Variants in CFAP70 observed in about 807,000 individuals in gnomAD.
CFAP70 encodes the protein cilia and flagella associated protein 70.
A neutral mutation model predicts 137.6 loss-of-function variants in CFAP70; 81 were observed. The ratio of observed to expected loss-of-function variants is 0.59; its 90% CI spans 0.49 to 0.71. The LOEUF (loss-of-function observed/expected upper bound fraction) is 0.71, where lower values mean the gene tolerates loss of function less well. Ranked by LOEUF, CFAP70 falls within the 30% of genes least tolerant of loss-of-function variation. CFAP70 has a pLI of 0.00. For synonymous variants in CFAP70, 382 were observed against 423.6 expected (o/e 0.90, Z 1.20); for missense variants, 976 against 1,226.7 (o/e 0.80, Z 3.05).
intron 12 of CFAP70, among the ~76,000 whole-genome samples, chr10:73,303,163 C>T (rs1360042335): frequency 6.6e-6 from 1 of 152,074 alleles, no homozygotes; most frequent in Non-Finnish European, 1.5e-5. Flanking sequence ...TCCCAAAGTG[C>T]TAGGATTACA....
intron 1 of CFAP70, among the ~76,000 whole-genome samples, chr10:73,358,070 T>G (rs1372707119): frequency 6.6e-6 from 1 of 152,240 alleles, no homozygotes; most frequent in Admixed American, 6.5e-5. Flanking sequence ...CTGTTTCACA[T>G]TTATTGTGAA....
intron 9 of CFAP70, among the ~76,000 whole-genome samples, chr10:73,317,769 G>A (rs537460509): frequency 1.1e-4 from 16 of 151,952 alleles, no homozygotes; most frequent in Non-Finnish European, 2.1e-4. Context: ...CCCTCCAGTG[G>A]GTGACAGAGT....
chr10:73,333,195 T>C lies in CFAP70; in HGVS notation c.678-1919A>G, dbSNP rs1056111242. Among the ~76,000 whole-genome samples, 6 of 152,180 alleles carry C rather than the reference T, an allele frequency of 3.9e-5. No individual in the cohort carries two copies. In the South Asian group the frequency reaches 1.0e-3, roughly 26 times the overall value. ...AAAATAAAATCAGTGAATGTGAGTATATGTGAATAGAAATTCCCCAAACTG... is the reference window on the plus strand; with the variant it reads ...AAAATAAAATCAGTGAATGTGAGTACATGTGAATAGAAATTCCCCAAACTG... On this transcript the variant is annotated intron_variant, in intron 7 of 26. Coordinates refer to ENST00000310715, the Ensembl canonical transcript of CFAP70.
At position 73,302,543 on chromosome 10, in the gene CFAP70, T is replaced by C. The variant is rs140103108; in HGVS notation, c.1257-2878A>G. On this transcript the variant is annotated intron_variant, in intron 12 of 26. Coordinates refer to ENST00000310715, the Ensembl canonical transcript of CFAP70. ...TTTGTATTTAGATAGCATTACCAAA[T>C]TGCCCTCCACTGGAATTTTACCCAG... is the stretch of plus-strand genomic sequence containing the variant. Among the ~76,000 whole-genome samples, 101 of 152,270 alleles carry C rather than the reference T, an allele frequency of 6.6e-4. 1 individual carries two copies. Among genetic ancestry groups the C allele is most frequent in the African/African-American group, 2.1e-3 (89 of 41,548 alleles).
At chr10:73,295,369 G>GGA (rs2048467589) in intron 15 of CFAP70, 2 of 124,204 alleles carry the variant, frequency 1.6e-5, no homozygotes, top group Non-Finnish European at 3.2e-5. Flanking sequence ...GGAAGGAAGG[G>GGA]AGGAAGGGAG....
intron 25 of CFAP70, among the ~76,000 whole-genome samples, chr10:73,259,558 G>A (rs2044919026): frequency 6.6e-6 from 1 of 151,966 alleles, no homozygotes; most frequent in African/African-American, 2.4e-5. Context: ...CAACCTTCCA[G>A]GCTCCAGTGA....
chr10:73,359,458 A>G (rs1020766287), upstream of CFAP70, among the ~76,000 whole-genome samples: 3 of 152,180 alleles, frequency 2.0e-5, no homozygotes, highest in Non-Finnish European at 4.4e-5. Context: ...CAGTGTTAAG[A>G]GCCAGCTTGA....
intron 8 of CFAP70, among the ~76,000 whole-genome samples, chr10:73,330,428 C>T (rs28416025): frequency 0.11 from 15,416 of 139,534 alleles, 1,187 homozygotes; most frequent in East Asian, 0.31. Context: ...CCAGCCTAGG[C>T]GACAGAGTAA....
chr10:73,358,320 G>A (rs2054823739), intron 1 of CFAP70, among the ~76,000 whole-genome samples: 1 of 152,234 alleles, frequency 6.6e-6, no homozygotes, highest in African/African-American at 2.4e-5. Context: ...CTAGGGTGGG[G>A]ACTCTTGTTG....
intron 12 of CFAP70, among the ~76,000 whole-genome samples, chr10:73,309,212 G>A (rs1008428202): frequency 6.6e-5 from 10 of 152,204 alleles, no homozygotes; most frequent in African/African-American, 2.4e-4. Flanking sequence ...ATAAAAAGGA[G>A]TATTAGAATA....
At chr10:73,273,139 A>T (rs768864683) in intron 23 of CFAP70, 122 bp from the exon 25 acceptor site, 2 of 787,532 alleles carry the variant, frequency 2.5e-6, no homozygotes, top group Non-Finnish European at 4.3e-6. Flanking sequence ...AAGTCCTTTA[A>T]TTGTACTTTG....
chr10:73,344,982 G>A (rs1444171714), intron 5 of CFAP70, 83 bp downstream of exon 6: 2 of 1,140,302 alleles, frequency 1.8e-6, no homozygotes, highest in Non-Finnish European at 2.5e-6. Flanking sequence ...TGCTTTGAAT[G>A]AAATCTTAGA....
intron 5 of CFAP70, among the ~76,000 whole-genome samples, chr10:73,344,193 A>G (rs1260876804): frequency 6.6e-6 from 1 of 151,900 alleles, no homozygotes; most frequent in African/African-American, 2.4e-5. Flanking sequence ...CGAACTCCTA[A>G]CCTCAGTTGA....
chr10:73,254,210 G>T (rs1008916963), intron 26 of CFAP70, 155 bp from the exon 28 acceptor site: 1 of 472,718 alleles, frequency 2.1e-6, no homozygotes, highest in Admixed American at 3.6e-5. Context: ...GAAAACTCCA[G>T]TAGAAGACCT....
intron 5 of CFAP70, among the ~76,000 whole-genome samples, chr10:73,342,346 G>A (rs2053320366): frequency 6.6e-6 from 1 of 151,922 alleles, no homozygotes; most frequent in African/African-American, 2.4e-5. Flanking sequence ...AAACCAGCCT[G>A]GGCAACATAG....
intron 25 of CFAP70, among the ~76,000 whole-genome samples, chr10:73,257,462 T>C (rs2044639183): frequency 6.6e-6 from 1 of 152,244 alleles, no homozygotes; most frequent in Non-Finnish European, 1.5e-5. Flanking sequence ...GTTTGCTACA[T>C]AGTTACTTAG....
chr10:73,268,393 T>C (rs1028879197), intron 25 of CFAP70, among the ~76,000 whole-genome samples: 1 of 152,228 alleles, frequency 6.6e-6, no homozygotes, highest in Non-Finnish European at 1.5e-5. Flanking sequence ...GTGGTCAACC[T>C]TTATACATAA....
exon 27 of CFAP70, chr10:73,253,807 G>A (rs1019547768): frequency 6.1e-6 from 3 of 493,478 alleles, no homozygotes; most frequent in South Asian, 5.8e-5. Flanking sequence ...CCAGTTTCTC[G>A]TCAACCAGTA....
At chr10:73,282,686 C>G (rs1435917822) in intron 19 of CFAP70, among the ~76,000 whole-genome samples, 1 of 152,020 alleles carries the variant, frequency 6.6e-6, no homozygotes, top group Non-Finnish European at 1.5e-5. Flanking sequence ...CAGGTATGAG[C>G]CACCATGCCC....
Sources: allele counts gnomAD v4.1 joint callset (sites outside exome capture counted in the v4.1 genomes callset), GRCh38; gene constraint gnomAD v4.1.1; transcripts MANE v1.5; gene names NCBI Gene and HGNC (gene_info 2026-07-23, HGNC 2026-07-21).